HLA-DQA1: variants seen among roughly 807,000 people sequenced by gnomAD.
HLA-DQA1 encodes the protein HLA class II histocompatibility antigen, DQ alpha 1 chain.
A neutral mutation model predicts 20.7 loss-of-function variants in HLA-DQA1; 10 were observed. The observed-to-expected ratio is 0.48, with a 90% CI of 0.30 to 0.82. The LOEUF (loss-of-function observed/expected upper bound fraction) is 0.82, where lower values mean the gene tolerates loss of function less well. HLA-DQA1 is among the 40% of genes least tolerant of loss of function. The pLI, the probability that HLA-DQA1 is intolerant of heterozygous loss-of-function variation, is 0.07. For synonymous variants in HLA-DQA1, 39 were observed against 109.2 expected, an observed-to-expected ratio of 0.36 and a Z score of 4.01; for missense variants, 127 against 293.0, an observed-to-expected ratio of 0.43 and a Z score of 4.14.
At chr6:32,655,261 T>TTTTTTATTTTTTTAATCTG in the HLA-DQA1 span, among the ~76,000 whole-genome samples, 1 of 142,056 alleles carries the variant, frequency 7.0e-6, no homozygotes, top group Non-Finnish European at 1.5e-5. Flanking sequence ...AGTTTTCTGT[T>TTTTTTATTTTTTTAATCTG]TTTTAAAATC....
chr6:32,637,603 T>A (rs9272441), intron 1 of HLA-DQA1, 63 bp downstream of exon 1: 1 of 658,570 alleles, frequency 1.5e-6, no homozygotes, highest in African/African-American at 2.5e-5. Flanking sequence ...GGAAAAGAGA[T>A]AAAGCGATTT....
chr6:32,653,683 A>G, the HLA-DQA1 span, among the ~76,000 whole-genome samples: 7,795 of 64,454 alleles, frequency 0.12, 1,968 homozygotes, highest in Non-Finnish European at 0.15. Context: ...TATCAAAGAG[A>G]TATCTGCACT....
chr6:32,644,034 C>CATGCCGATACAAAACA (rs1554154674), downstream of HLA-DQA1: 1 of 31,302 alleles, frequency 3.2e-5, no homozygotes, highest in South Asian at 8.1e-4. Flanking sequence ...TTCTTGGAAA[C>CATGCCGATACAAAACA]ATGCCAATAT....
intron 1 of HLA-DQA1, among the ~76,000 whole-genome samples, chr6:32,640,662 T>C (rs1046350921): frequency 1.8e-5 from 2 of 113,474 alleles, no homozygotes; most frequent in African/African-American, 3.2e-5. Context: ...GGACCATTAC[T>C]ATTAACAAAA....
chr6:32,644,578 G>C (rs1287947081), downstream of HLA-DQA1: 1 of 151,776 alleles, frequency 6.6e-6, no homozygotes, highest in Admixed American at 6.6e-5. Context: ...AGAAAACATT[G>C]TGGTTATATT....
At position 32,642,029 on chromosome 6, in the gene HLA-DQA1, C is replaced by T. The variant is rs707952; in HGVS notation, c.389C>T (p.Thr130Ile). ...KSPVTLGQPN[T>I]LICLVDNIFP... ...CCCGTGACACTGGGTCAGCCCAACACCCTCATTTGTCTTGTGGACAACATC... is the reference window on the plus strand; with the variant it reads ...CCCGTGACACTGGGTCAGCCCAACATCCTCATTTGTCTTGTGGACAACATC... Residue 130 changes from threonine (T) to isoleucine (I), a missense_variant, in exon 3 of 5, where the codon ACC becomes ATC. Physicochemically the swap from Thr to Ile is moderately conservative, Grantham distance 89. Coordinates refer to ENST00000343139, the MANE Select transcript of HLA-DQA1 (RefSeq NM_002122.5). 0.23 allele frequency: 340,356 copies of T among 1,449,000 alleles called. 56,031 individuals carry two copies. The highest frequency in any genetic ancestry group is 0.36 in the Middle Eastern group (1,947 of 5,470). 89.8% of individuals were successfully genotyped at this position (1,449,000 alleles called of 1,614,324 possible).
chr6:32,641,205 ATGAAG>A, intron 1 of HLA-DQA1, 100 bp from the exon 2 acceptor site: 1 of 766,718 alleles, frequency 1.3e-6, no homozygotes, highest in Non-Finnish European at 2.0e-6. Flanking sequence ...GTGCCAAAAA[ATGAAG>A]CCCATAATAT....
At chr6:32,652,303 C>A in the HLA-DQA1 span, among the ~76,000 whole-genome samples, 2 of 76,074 alleles carry the variant, frequency 2.6e-5, 1 homozygote, top group South Asian at 7.9e-4. Context: ...AAATGTAGAC[C>A]TTTTCAAAAT....
At chr6:32,642,315 CT>C (rs1781488797) in intron 3 of HLA-DQA1, 62 bp downstream of exon 3, 2 of 1,111,094 alleles carry the variant, frequency 1.8e-6, no homozygotes, top group Non-Finnish European at 2.6e-6. Flanking sequence ...AACTTCCTGC[CT>C]TTTACTCCTA....
At position 32,638,699 on chromosome 6, in the gene HLA-DQA1, G is replaced by GGAACCA. The variant is rs1781085363; in HGVS notation, c.82+1159_82+1160insGAACCA. 5.2e-5 allele frequency among the ~76,000 whole-genome samples: 4 copies of GGAACCA among 76,748 alleles called. 1 individual carries two copies. The highest frequency in any genetic ancestry group is 3.9e-4 in the South Asian group (1 of 2,572). The allele number at this position is 76,748 out of a possible 152,430, so 50.3% of individuals were successfully genotyped here. On this transcript the variant is annotated intron_variant, in intron 1 of 4. Transcript: ENST00000343139. ...CTCAAAAAGAAAGAGGAAAGAAAGC[G>GGAACCA]AGGAAGGAAGGAAGGAAGGAGAAGG... is the stretch of plus-strand genomic sequence containing the variant.
chr6:32,652,647 T>A, the HLA-DQA1 span, among the ~76,000 whole-genome samples: 1 of 147,192 alleles, frequency 6.8e-6, no homozygotes, highest in African/African-American at 2.5e-5. Context: ...GTCAAAATGG[T>A]CAGCTTTGAC....
At position 32,638,772 on chromosome 6, in the gene HLA-DQA1, AAAAGAAAGACAG is replaced by A. The variant is rs761018688; in HGVS notation, c.82+1242_82+1253del. 11 of 109,742 alleles carry A rather than the reference AAAAGAAAGACAG, an allele frequency of 1.0e-4. 1 individual carries two copies. Among genetic ancestry groups the A allele is most frequent in the Admixed American group, 2.5e-4 (2 of 7,920 alleles). 6.8% of individuals were successfully genotyped at this position (109,742 alleles called of 1,614,324 possible). On this transcript the variant is annotated intron_variant, in intron 1 of 4. Transcript: ENST00000343139. ...AAAAGGGAAGGGAGGAAGGAAGGGA[AAAAGAAAGACAG>A]AAAGAAAGAGGAAGGAAGGAAGAAA...
chr6:32,639,018 T>G (rs1335649578), intron 1 of HLA-DQA1: 2 of 309,644 alleles, frequency 6.5e-6, no homozygotes, highest in African/African-American at 5.5e-5. Flanking sequence ...GAAGGTACTT[T>G]AAACTTTCAC....
chr6:32,642,654 G>C lies in HLA-DQA1; in HGVS notation c.658G>C (p.Val220Leu). The C allele has an allele frequency of 1.5e-6, 2 of 1,337,606 alleles. 1 individual carries two copies. Among genetic ancestry groups the C allele is most frequent in the Non-Finnish European group, 2.1e-6 (2 of 969,890 alleles). The allele number at this position is 1,337,606 out of a possible 1,614,324, so 82.9% of individuals were successfully genotyped here. A position where few individuals can be genotyped will look rare whatever the true frequency, so the allele number is the denominator to read the frequency against. ...TATGTCAGAGCTCACAGAGACTGTG[G>C]TCTGTGCCCTGGGGTTGTCTGTGGG... ...APMSELTETV[V>L]CALGLSVGLM... Residue 220 changes from valine (V) to leucine (L), a missense_variant, in exon 4 of 5, where the codon GTC becomes CTC. Coordinates refer to ENST00000343139, the MANE Select transcript of HLA-DQA1 (RefSeq NM_002122.5).
At chr6:32,638,166 G>A (rs9272484) in intron 1 of HLA-DQA1, among the ~76,000 whole-genome samples, 30,532 of 89,704 alleles carry the variant, frequency 0.34, 7,265 homozygotes, top group East Asian at 0.42. Context: ...ATGGGCATGT[G>A]GCTAAGCTTT....
At position 32,641,212 on chromosome 6, in the gene HLA-DQA1, C is replaced by T. The variant is rs574582728; in HGVS notation, c.83-98C>T. ...CACAGACTGTGCCAAAAAATGAAGC[C>T]CATAATATTTGAAAGTCAGTTTCTT... On this transcript the variant is annotated intron_variant, in intron 1 of 4. Coordinates refer to ENST00000343139, the MANE Select transcript of HLA-DQA1 (RefSeq NM_002122.5). 5,479 of 829,558 alleles carry T rather than the reference C, an allele frequency of 6.6e-3. 353 individuals are homozygous for T. Among genetic ancestry groups the T allele is most frequent in the Admixed American group, 0.036 (1,372 of 37,616 alleles). 51.4% of individuals were successfully genotyped at this position (829,558 alleles called of 1,614,324 possible). A position where few individuals can be genotyped will look rare whatever the true frequency, so the allele number is the denominator to read the frequency against.
intron 1 of HLA-DQA1, among the ~76,000 whole-genome samples, chr6:32,638,706 G>C (rs531816759): frequency 2.7e-5 from 2 of 74,076 alleles, no homozygotes; most frequent in South Asian, 4.3e-4. Context: ...AGCGAGGAAG[G>C]AAGGAAGGAA....
chr6:32,640,690 G>A (rs28383414), intron 1 of HLA-DQA1, among the ~76,000 whole-genome samples: 13,325 of 96,298 alleles, frequency 0.14, 1,521 homozygotes, highest in East Asian at 0.18. Flanking sequence ...CTTAGAAGGA[G>A]GCATTGTTTA....
downstream of HLA-DQA1, among the ~76,000 whole-genome samples, chr6:32,647,836 G>T (rs17612617): frequency 0.57 from 85,374 of 150,552 alleles, 24,448 homozygotes; most frequent in Middle Eastern, 0.7. Context: ...AAATGGTCAT[G>T]GAGTACCATT....
Sources: gnomAD v4.1 joint callset for allele counts (sites outside exome capture counted in the v4.1 genomes callset) on GRCh38, gnomAD v4.1.1 for gene constraint, MANE v1.5 for transcripts, NCBI Gene and HGNC (gene_info 2026-07-23, HGNC 2026-07-21) for gene names.